The following TRABD2B variants were observed in gnomAD, a reference collection of about 807,000 sequenced individuals.
TRABD2B encodes the protein TraB domain containing 2B.
TRABD2B carries 14 observed loss-of-function variants against 40.1 expected under a neutral mutation model. The observed-to-expected ratio is 0.35, with a 90% CI of 0.23 to 0.55. TRABD2B has a LOEUF of 0.55. Ranked by LOEUF, TRABD2B falls within the 20% of genes least tolerant of loss-of-function variation. The probability of loss-of-function intolerance (pLI) is 0.90; values close to 1 mark genes in which losing one functional copy is unlikely to be tolerated. For missense variants in TRABD2B, 541 were observed against 648.6 expected (o/e 0.83, Z 1.80); for synonymous variants, 263 against 277.0 (o/e 0.95, Z 0.50).
At chr1:47,829,599 C>T (rs1309030389) in intron 2 of TRABD2B, among the ~76,000 whole-genome samples, 1 of 152,120 alleles carries the variant, frequency 6.6e-6, no homozygotes, top group Non-Finnish European at 1.5e-5. Flanking sequence ...CAACCCAGAA[C>T]TCCTCTCTGT....
intron 4 of TRABD2B, among the ~76,000 whole-genome samples, chr1:47,791,309 G>T (rs1569945122): frequency 6.6e-6 from 1 of 152,216 alleles, no homozygotes; most frequent in East Asian, 1.9e-4. Context: ...TGACAGAAGA[G>T]CCCCCAGCAG....
chr1:47,951,628 C>A (rs562307900), intron 2 of TRABD2B, among the ~76,000 whole-genome samples: 12 of 152,260 alleles, frequency 7.9e-5, no homozygotes, highest in African/African-American at 2.9e-4. Context: ...CCATCTCATA[C>A]CCAAGGTAGA....
chr1:47,969,340 C>CT (rs1286381181), intron 2 of TRABD2B, among the ~76,000 whole-genome samples: 1 of 152,210 alleles, frequency 6.6e-6, no homozygotes, highest in Non-Finnish European at 1.5e-5. Flanking sequence ...CTGGCATTCT[C>CT]TAAGTTTACA....
intron 2 of TRABD2B, among the ~76,000 whole-genome samples, chr1:47,859,643 C>T (rs1421696009): frequency 1.3e-5 from 2 of 152,190 alleles, no homozygotes; most frequent in Non-Finnish European, 2.9e-5. Flanking sequence ...AGCTGCTGCT[C>T]ATCGTGGTGG....
chr1:47,981,004 T>C (rs1482324782), intron 2 of TRABD2B, among the ~76,000 whole-genome samples: 1 of 152,094 alleles, frequency 6.6e-6, no homozygotes, highest in Non-Finnish European at 1.5e-5. Flanking sequence ...CATTCCCTCT[T>C]TTCTTTTTTC....
intron 2 of TRABD2B, among the ~76,000 whole-genome samples, chr1:47,988,772 C>T (rs960686008): frequency 6.6e-6 from 1 of 152,140 alleles, no homozygotes; most frequent in Non-Finnish European, 1.5e-5. Flanking sequence ...CCTAGCCCAG[C>T]GCTCTCATGG....
chr1:47,800,768 C>T (rs141464964), intron 3 of TRABD2B, among the ~76,000 whole-genome samples: 1 of 152,254 alleles, frequency 6.6e-6, no homozygotes, highest in East Asian at 1.9e-4. Context: ...TGACTATGAC[C>T]AAGTGGGAGG....
intron 2 of TRABD2B, among the ~76,000 whole-genome samples, chr1:47,923,792 C>T (rs77407884): frequency 0.011 from 1,683 of 152,208 alleles, 36 homozygotes; most frequent in African/African-American, 0.037. Flanking sequence ...TAACCTTGGA[C>T]TCTTCCCTAG....
chr1:47,879,510 G>A (rs1420570404), intron 2 of TRABD2B, among the ~76,000 whole-genome samples: 1 of 152,176 alleles, frequency 6.6e-6, no homozygotes, highest in Non-Finnish European at 1.5e-5. Flanking sequence ...TTCTAGGTTT[G>A]TGCAAGTACA....
chr1:47,767,497 C>G (rs1644320639), intron 6 of TRABD2B, among the ~76,000 whole-genome samples: 4 of 152,210 alleles, frequency 2.6e-5, no homozygotes, highest in Admixed American at 2.6e-4. Flanking sequence ...CACTCTTTAA[C>G]CTTTGGACCT....
intron 6 of TRABD2B, among the ~76,000 whole-genome samples, chr1:47,774,447 A>G (rs924668414): frequency 1.3e-5 from 2 of 152,130 alleles, no homozygotes; most frequent in African/African-American, 4.8e-5. Flanking sequence ...CTCCTGCCAA[A>G]AAGTGGAATC....
chr1:47,860,010 G>A (rs1053765635), intron 2 of TRABD2B, among the ~76,000 whole-genome samples: 1 of 152,194 alleles, frequency 6.6e-6, no homozygotes, highest in African/African-American at 2.4e-5. Flanking sequence ...GAACCAGGGT[G>A]TGAATCTGCT....
intron 2 of TRABD2B, among the ~76,000 whole-genome samples, chr1:47,991,179 T>C (rs1184223220): frequency 2.0e-5 from 3 of 152,030 alleles, no homozygotes; most frequent in African/African-American, 7.2e-5. Flanking sequence ...CTCTGTTCCT[T>C]ATTAGCCACG....
chr1:47,986,833 G>A (rs1645925576), intron 2 of TRABD2B, among the ~76,000 whole-genome samples: 1 of 152,260 alleles, frequency 6.6e-6, no homozygotes, highest in African/African-American at 2.4e-5. Flanking sequence ...GGATCCTGGA[G>A]GAGCTGCTCG....
At chr1:47,809,939 T>C (rs1644940541) in intron 2 of TRABD2B, among the ~76,000 whole-genome samples, 1 of 152,192 alleles carries the variant, frequency 6.6e-6, no homozygotes, top group African/African-American at 2.4e-5. Context: ...TGAACAAATA[T>C]TTATTGAGCA....
At chr1:47,768,099 G>GT (rs923143337) in intron 6 of TRABD2B, among the ~76,000 whole-genome samples, 51 of 152,304 alleles carry the variant, frequency 3.3e-4, no homozygotes, top group African/African-American at 1.2e-3. Context: ...TAAAGAGAGG[G>GT]GTCCTCACTC....
intron 2 of TRABD2B, among the ~76,000 whole-genome samples, chr1:47,919,929 C>T (rs768138903): frequency 9.2e-5 from 14 of 152,152 alleles, no homozygotes; most frequent in African/African-American, 1.7e-4. Context: ...GGATGTCGCA[C>T]TGAGCATTAG....
chr1:47,931,284 G>A (rs1645036943), intron 2 of TRABD2B, among the ~76,000 whole-genome samples: 1 of 152,134 alleles, frequency 6.6e-6, no homozygotes, highest in Non-Finnish European at 1.5e-5. Context: ...TCTAGAGCAG[G>A]AAGAACTTTA....
chr1:47,817,080 A>G (rs1053300511), intron 2 of TRABD2B, among the ~76,000 whole-genome samples: 2 of 152,122 alleles, frequency 1.3e-5, no homozygotes, highest in Non-Finnish European at 2.9e-5. Context: ...AAAGGGAAAA[A>G]GGGAATGGAG....
Sources: allele counts gnomAD v4.1 joint callset (sites outside exome capture counted in the v4.1 genomes callset), GRCh38; gene constraint gnomAD v4.1.1; transcripts MANE v1.5; gene names NCBI Gene and HGNC (gene_info 2026-07-23, HGNC 2026-07-21).